Variants in PPP1R13B observed in about 807,000 individuals in gnomAD.
PPP1R13B encodes protein phosphatase 1 regulatory subunit 13B, also known as apoptosis-stimulating of p53 protein 1.
PPP1R13B carries 44 observed loss-of-function variants against 119.8 expected under a neutral mutation model. The ratio of observed to expected loss-of-function variants is 0.37; its 90% confidence interval spans 0.29 to 0.47. The LOEUF (loss-of-function observed/expected upper bound fraction) is 0.47, where lower values mean the gene tolerates loss of function less well. Among genes scored for constraint, PPP1R13B ranks in the 20% least tolerant of loss-of-function variants. The probability of loss-of-function intolerance (pLI) is 0.99; values close to 1 mark genes in which losing one functional copy is unlikely to be tolerated. For synonymous variants in PPP1R13B, 542 were observed against 561.5 expected, an observed-to-expected ratio of 0.97 and a Z score of 0.49; for missense variants, 1,227 against 1,413.5, an observed-to-expected ratio of 0.87 and a Z score of 2.12.
intron 2 of PPP1R13B, among the ~76,000 whole-genome samples, chr14:103,797,003 T>C (rs1393053137): frequency 2.3e-5 from 3 of 133,014 alleles, no homozygotes; most frequent in Non-Finnish European, 4.7e-5. Context: ...TGAAAGTTCA[T>C]AGGAGCATTA....
Position 103,808,786 on chromosome 14 carries a change from AT to A in PPP1R13B, c.10-11269del, listed in dbSNP as rs1296208176. 3.3e-5 allele frequency among the ~76,000 whole-genome samples: 5 copies of A among 152,154 alleles called. 1 individual carries two copies. Among genetic ancestry groups the A allele is most frequent in the South Asian group, 4.2e-4 (2 of 4,810 alleles). On this transcript the variant is annotated intron_variant, in intron 1 of 16. Transcript: ENST00000202556. ...TAAAATTAACCTTAGAGCAATGAAAATTTTTTTCTAAATAAATAAGACTGTA... is the reference window on the plus strand; with the variant it reads ...TAAAATTAACCTTAGAGCAATGAAAATTTTTTCTAAATAAATAAGACTGTA...
rs1278540219 is a variant in PPP1R13B at position 103,734,929 on chromosome 14, T to C, written c.*225A>G. The C allele has an allele frequency of 1.5e-6, 1 of 676,562 alleles. No individual in the cohort carries two copies. The highest frequency in any genetic ancestry group is 1.5e-5 in the South Asian group (1 of 66,150). The allele number at this position is 676,562 out of a possible 1,614,324, so 41.9% of individuals were successfully genotyped here. Reference sequence around the variant, plus strand: ...GGTATTTATTTGGATTTATAGTAATTGGCAAAATTCAGTCCTTGGAGGCGA... The same window carrying C: ...GGTATTTATTTGGATTTATAGTAATCGGCAAAATTCAGTCCTTGGAGGCGA... On this transcript the variant is annotated 3_prime_UTR_variant, in exon 17 of 17. Transcript: ENST00000202556.
At chr14:103,756,140 G>A (rs1306907884) in intron 5 of PPP1R13B, among the ~76,000 whole-genome samples, 1 of 151,630 alleles carries the variant, frequency 6.6e-6, no homozygotes, top group African/African-American at 2.4e-5. Flanking sequence ...TGTCACCCAG[G>A]CTGCAGTGCA....
Position 103,757,666 on chromosome 14 carries a change from T to G in PPP1R13B, c.440A>C (p.Gln147Pro). Residue 147 changes from glutamine (Q) to proline (P), a missense_variant, in exon 5 of 17, where the codon CAG (glutamine) becomes CCG (proline). Physicochemically the swap from Gln to Pro is moderately conservative, Grantham distance 76. Coordinates refer to ENST00000202556, the MANE Select transcript of PPP1R13B (RefSeq NM_015316.3). ...ATAACTTACCTTGGCAACCAACATC[T>G]GCTGCTGATTTTCAATCTGCTGCTG... ...RQQQQIENQQ[Q>P]MLVAKEQRLH... 6.2e-7 allele frequency: 1 copy of G among 1,614,140 alleles called. No homozygotes were observed. Among genetic ancestry groups the G allele is most frequent in the Non-Finnish European group, 8.5e-7 (1 of 1,179,986 alleles).
intron 3 of PPP1R13B, among the ~76,000 whole-genome samples, chr14:103,779,384 G>C (rs918077806): frequency 6.6e-6 from 1 of 152,144 alleles, no homozygotes; most frequent in African/African-American, 2.4e-5. Context: ...TCAGAATCTT[G>C]AAATTGACTT....
intron 2 of PPP1R13B, among the ~76,000 whole-genome samples, chr14:103,788,901 G>A (rs1226057370): frequency 6.6e-6 from 1 of 152,156 alleles, no homozygotes; most frequent in Non-Finnish European, 1.5e-5. Context: ...GAATGGCTGT[G>A]TGCAGGACCA....
intron 1 of PPP1R13B, among the ~76,000 whole-genome samples, chr14:103,835,632 G>A (rs1385596518): frequency 6.0e-5 from 9 of 149,652 alleles, no homozygotes; most frequent in Admixed American, 2.7e-4. Context: ...TTTTTGAGAC[G>A]GAGTCTCGCT....
intron 1 of PPP1R13B, among the ~76,000 whole-genome samples, chr14:103,801,958 T>C (rs2085910819): frequency 6.6e-6 from 1 of 152,198 alleles, no homozygotes; most frequent in Non-Finnish European, 1.5e-5. Context: ...GTAAGAAGAA[T>C]TTATAAAAAC....
At chr14:103,833,281 T>C (rs915269062) in intron 1 of PPP1R13B, among the ~76,000 whole-genome samples, 3 of 152,224 alleles carry the variant, frequency 2.0e-5, no homozygotes, top group East Asian at 3.9e-4. Flanking sequence ...TTACCTCCTT[T>C]GGCCTCATAT....
chr14:103,779,883 C>T (rs1287938875), intron 3 of PPP1R13B, among the ~76,000 whole-genome samples: 1 of 152,102 alleles, frequency 6.6e-6, no homozygotes, highest in Admixed American at 6.6e-5. Context: ...GGCATGGTGG[C>T]TCACGCCTGT....
At chr14:103,757,283 G>T (rs1283817297) in intron 5 of PPP1R13B, among the ~76,000 whole-genome samples, 2 of 151,288 alleles carry the variant, frequency 1.3e-5, no homozygotes, top group Non-Finnish European at 2.9e-5. Context: ...TGAACTCCTG[G>T]GCTCCAGCAA....
intron 3 of PPP1R13B, among the ~76,000 whole-genome samples, chr14:103,781,531 A>G (rs1397325436): frequency 6.6e-6 from 1 of 152,272 alleles, no homozygotes; most frequent in Non-Finnish European, 1.5e-5. Flanking sequence ...AACTTGCAAT[A>G]AAGAAGTATT....
At chr14:103,756,147 T>C (rs1245998496) in intron 5 of PPP1R13B, among the ~76,000 whole-genome samples, 1 of 152,008 alleles carries the variant, frequency 6.6e-6, no homozygotes, top group African/African-American at 2.4e-5. Context: ...CAGGCTGCAG[T>C]GCAATGGCGC....
chr14:103,797,007 A>T lies in PPP1R13B; in HGVS notation c.157+364T>A, dbSNP rs10140452. Among the ~76,000 whole-genome samples the T allele has an allele frequency of 4.1e-5, 6 of 148,086 alleles. No homozygotes were observed. The South Asian group carries it at 8.6e-4, about 21-fold the overall frequency. ...CAGTTTGTACATGAAAGTTCATAGG[A>T]GCATTATTCATAATAGCCAAAAAAA... On this transcript the variant is annotated intron_variant, in intron 2 of 16. Transcript: ENST00000202556.
intron 1 of PPP1R13B, among the ~76,000 whole-genome samples, chr14:103,826,456 C>G (rs1374365067): frequency 1.3e-5 from 2 of 152,144 alleles, no homozygotes; most frequent in African/African-American, 4.8e-5. Context: ...CAGGTATTAC[C>G]ATGAGAAGTC....
At chr14:103,749,697 A>G in intron 8 of PPP1R13B, 97 bp downstream of exon 8, 1 of 1,237,456 alleles carries the variant, frequency 8.1e-7, no homozygotes, top group Non-Finnish European at 1.1e-6. Flanking sequence ...TTTATCAGTT[A>G]TGGTGGATGG....
intron 4 of PPP1R13B, chr14:103,762,728 T>TG: frequency 1.5e-6 from 1 of 646,974 alleles, no homozygotes; most frequent in Non-Finnish European, 2.9e-6. Context: ...GCGGTGGCCG[T>TG]GGGGGTGAGA....
intron 4 of PPP1R13B, chr14:103,762,708 C>T (rs2084837889): frequency 9.6e-6 from 6 of 625,636 alleles, no homozygotes; most frequent in South Asian, 1.7e-5. Flanking sequence ...GACTCAGTCC[C>T]TGGGTGTCGG....
At chr14:103,750,490 C>T (rs1430044215) in intron 7 of PPP1R13B, among the ~76,000 whole-genome samples, 3 of 152,244 alleles carry the variant, frequency 2.0e-5, no homozygotes, top group Non-Finnish European at 4.4e-5. Context: ...CTAGTACATA[C>T]ACACTTCCGT....
Sources: allele counts gnomAD v4.1 joint callset (sites outside exome capture counted in the v4.1 genomes callset), GRCh38; gene constraint gnomAD v4.1.1; transcripts MANE v1.5; gene names NCBI Gene and HGNC (gene_info 2026-07-23, HGNC 2026-07-21).